Variants in SCN10A observed in about 807,000 individuals in gnomAD.
SCN10A encodes the protein sodium channel protein type 10 subunit alpha.
In SCN10A, 162 loss-of-function variants were observed where a neutral mutation model predicts 170.7. That is an observed-to-expected ratio of 0.95 (90% confidence interval 0.84 to 1.08). The LOEUF is 1.08. Among genes scored for constraint, SCN10A ranks in the 50% least tolerant of loss-of-function variants. The pLI is 0.00. For synonymous variants in SCN10A, 985 were observed against 904.6 expected (o/e 1.09, Z -1.59); for missense variants, 2,527 against 2,436.9 (o/e 1.04, Z -0.78).
chr3:38,814,776 A>G (rs9816320), intron 1 of SCN10A, among the ~76,000 whole-genome samples: 3,888 of 152,252 alleles, frequency 0.026, 144 homozygotes, highest in East Asian at 0.13. Context: ...TTTTAAGGCC[A>G]CTCTAAAACC....
intron 15 of SCN10A, among the ~76,000 whole-genome samples, chr3:38,736,607 T>TA (rs1422681534): frequency 1.3e-5 from 2 of 152,078 alleles, no homozygotes; most frequent in East Asian, 3.9e-4. Flanking sequence ...GGTGAGGTTT[T>TA]GGCAAACACA....
chr3:38,806,672 T>A (rs965830750), intron 1 of SCN10A, among the ~76,000 whole-genome samples: 1 of 152,164 alleles, frequency 6.6e-6, no homozygotes, highest in Non-Finnish European at 1.5e-5. Context: ...TTATGTAAGG[T>A]AAATTATAGA....
At position 38,697,198 on chromosome 3, in the gene SCN10A, T is replaced by C. The variant is rs1024196722; in HGVS notation, c.*151A>G. On this transcript the variant is annotated 3_prime_UTR_variant, in exon 28 of 28. Coordinates refer to ENST00000449082, the MANE Select transcript of SCN10A (RefSeq NM_006514.4). The stretch of plus-strand genomic sequence containing the variant: ...TGTATGATGGTTTTTTCAAAGGTGG[T>C]TACCAGTTGCATTCCCTGCCCAGTT... The C allele has an allele frequency of 7.2e-6, 9 of 1,253,134 alleles. No homozygotes were observed. In the Admixed American group the frequency reaches 1.3e-4, roughly 19 times the overall value. The allele number at this position is 1,253,134 out of a possible 1,614,324, so 77.6% of individuals were successfully genotyped here. A position where few individuals can be genotyped will look rare whatever the true frequency, so the allele number is the denominator to read the frequency against.
rs1477460829 is a variant in SCN10A, at chr3:38,755,900, A to G, written c.1349T>C (p.Leu450Ser). ...TCTCTCACTGGCATTTTTGGAGGTT[A>G]AAGGTGATCCATTGTGGGAGTGGAG... The part of the protein sequence containing the change: ...TSLHSHNGSP[L>S]TSKNASERRH... The change falls in exon 11 of 28, where the codon TTA becomes TCA. Residue 450 changes from leucine to serine, a missense_variant. Coordinates refer to ENST00000449082, the MANE Select transcript of SCN10A (RefSeq NM_006514.4). 1 of 1,614,206 alleles carries G rather than the reference A, an allele frequency of 6.2e-7. No homozygotes were observed. Among genetic ancestry groups the G allele is most frequent in the South Asian group, 1.1e-5 (1 of 91,084 alleles).
chr3:38,754,339 A>G (rs996600464), intron 11 of SCN10A, among the ~76,000 whole-genome samples: 1 of 152,222 alleles, frequency 6.6e-6, no homozygotes, highest in Non-Finnish European at 1.5e-5. Flanking sequence ...CTGTGTTTAT[A>G]TCTGCCTCCT....
rs2063281106 is a variant in SCN10A at position 38,712,169 on chromosome 3, G to C, written c.4081C>G (p.Leu1361Val). Reference sequence around the variant, plus strand: ...TCTCATGGTTGACTCACCACCTGCAGAAGTGCAAGGTAACCCATTGCAACA... The same window carrying C: ...TCTCATGGTTGACTCACCACCTGCACAAGTGCAAGGTAACCCATTGCAACA... ...DNVAMGYLAL[L>V]QVATFKGWMD... Residue 1361 changes from leucine (L) to valine (V), a missense_variant, in exon 23 of 28, where the codon CTG (leucine) becomes GTG (valine). Leu to Val is a conservative substitution (Grantham distance 32). Coordinates refer to ENST00000449082, the MANE Select transcript of SCN10A (RefSeq NM_006514.4). 1 of 1,613,624 alleles carries C rather than the reference G, an allele frequency of 6.2e-7. No homozygotes were observed. The highest frequency in any genetic ancestry group is 1.3e-5 in the African/African-American group (1 of 74,932).
chr3:38,810,313 C>A lies in SCN10A; in HGVS notation c.-33+5724G>T, dbSNP rs73826372. 3.7e-3 allele frequency among the ~76,000 whole-genome samples: 559 copies of A among 152,214 alleles called. 2 individuals carry two copies. The highest frequency in any genetic ancestry group is 0.013 in the African/African-American group (535 of 41,532). Reference sequence around the variant, plus strand: ...ACTGTGAACATTATGTAAATGCCAACCAGTATAACGCAGCCCTTCAGTTTA... The same window carrying A: ...ACTGTGAACATTATGTAAATGCCAAACAGTATAACGCAGCCCTTCAGTTTA... On this transcript the variant is annotated intron_variant, in intron 1 of 27. Coordinates refer to ENST00000449082, the MANE Select transcript of SCN10A (RefSeq NM_006514.4).
At chr3:38,747,455 G>A (rs1017104682) in intron 13 of SCN10A, among the ~76,000 whole-genome samples, 11 of 152,140 alleles carry the variant, frequency 7.2e-5, no homozygotes, top group South Asian at 2.1e-4. Flanking sequence ...CATGCCAGTC[G>A]TGGTTCTAAG....
chr3:38,772,750 C>T (rs1187618640), intron 4 of SCN10A, among the ~76,000 whole-genome samples: 1 of 149,850 alleles, frequency 6.7e-6, no homozygotes, highest in Non-Finnish European at 1.5e-5. Flanking sequence ...AAAAAAAAAA[C>T]CTGTACTAAT....
At position 38,703,576 on chromosome 3, in the gene SCN10A, T is replaced by G. The variant is rs564904479; in HGVS notation, c.4387-1467A>C. ...CCCATAATATTAGATCCAAGGACGCTTGTCTGATATTGCCTAGTACCCTTC... is the reference window on the plus strand; with the variant it reads ...CCCATAATATTAGATCCAAGGACGCGTGTCTGATATTGCCTAGTACCCTTC... On this transcript the variant is annotated intron_variant, in intron 26 of 27. Coordinates refer to ENST00000449082, the MANE Select transcript of SCN10A (RefSeq NM_006514.4). Among the ~76,000 whole-genome samples, 17 of 152,326 alleles carry G rather than the reference T, an allele frequency of 1.1e-4. No homozygotes were observed. The South Asian group carries it at 3.5e-3, about 32-fold the overall frequency.
intron 13 of SCN10A, among the ~76,000 whole-genome samples, chr3:38,748,269 A>G (rs2063713055): frequency 6.6e-6 from 1 of 152,236 alleles, no homozygotes; most frequent in Non-Finnish European, 1.5e-5. Flanking sequence ...TGTTAGAAGT[A>G]CAGACTCTAT....
chr3:38,767,717 T>C (rs940190619), intron 5 of SCN10A, among the ~76,000 whole-genome samples: 1 of 152,110 alleles, frequency 6.6e-6, no homozygotes, highest in South Asian at 2.1e-4. Flanking sequence ...TATTCTGCAG[T>C]TGTTTGGTAG....
At chr3:38,730,872 G>A (rs1454889588) in intron 15 of SCN10A, among the ~76,000 whole-genome samples, 1 of 152,094 alleles carries the variant, frequency 6.6e-6, no homozygotes, top group Non-Finnish European at 1.5e-5. Context: ...GAGACATAGA[G>A]GATAGAATGA....
chr3:38,716,632 T>A (rs560762028), intron 21 of SCN10A, among the ~76,000 whole-genome samples: 117 of 152,270 alleles, frequency 7.7e-4, no homozygotes, highest in Non-Finnish European at 8.8e-4. Flanking sequence ...ATATATTTTT[T>A]AAAATTTTAA....
Position 38,697,103 on chromosome 3 carries a change from C to A in SCN10A, c.*246G>T, listed in dbSNP as rs1575913465. ...GATATTTTCTGGAGAGTAAGAGAAC[C>A]CATGATCTGATATTGAAATTCAGAA... is the stretch of plus-strand genomic sequence containing the variant. On this transcript the variant is annotated 3_prime_UTR_variant, in exon 28 of 28. Coordinates refer to ENST00000449082, the MANE Select transcript of SCN10A (RefSeq NM_006514.4). 3 of 545,372 alleles carry A rather than the reference C, an allele frequency of 5.5e-6. No individual in the cohort carries two copies. The highest frequency in any genetic ancestry group is 9.7e-6 in the Non-Finnish European group (3 of 309,932). 33.8% of individuals were successfully genotyped at this position (545,372 alleles called of 1,614,324 possible).
chr3:38,763,507 G>A lies in SCN10A; in HGVS notation c.689C>T (p.Pro230Leu). The A allele has an allele frequency of 6.2e-7, 1 of 1,611,596 alleles. No homozygotes were observed. The highest frequency in any genetic ancestry group is 8.5e-7 in the Non-Finnish European group (1 of 1,177,690). ...LRALKTVSVIPGLKVIVGALI... is the reference protein window; with the variant it reads ...LRALKTVSVILGLKVIVGALI... ...ATGCTCTGTGAATAAATGCTCACCT[G>A]GGATCACAGAAACTGTTTTTAATGC... The change falls in exon 6 of 28, where the codon CCA (proline) becomes CTA (leucine). Residue 230 changes from proline (P) to leucine (L), a missense_variant and splice_region_variant. By Grantham distance (98) the Pro-to-Leu change is moderately conservative (BLOSUM62 -3). Transcript: ENST00000449082.
chr3:38,804,231 A>G lies in SCN10A; in HGVS notation c.-32-10189T>C, dbSNP rs75946548. On this transcript the variant is annotated intron_variant, in intron 1 of 27. Transcript: ENST00000449082. Reference sequence around the variant, plus strand: ...AGCACAATATTGCCTCTGTTTTTCAACTTGTTCTTTTCTCTGCTCATATTC... The same window carrying G: ...AGCACAATATTGCCTCTGTTTTTCAGCTTGTTCTTTTCTCTGCTCATATTC... 5.0e-3 allele frequency among the ~76,000 whole-genome samples: 767 copies of G among 152,138 alleles called. 6 individuals are homozygous for G. The highest frequency in any genetic ancestry group is 0.017 in the African/African-American group (686 of 41,506).
At chr3:38,793,623 A>G in intron 2 of SCN10A, 118 bp downstream of exon 2, 2 of 951,718 alleles carry the variant, frequency 2.1e-6, no homozygotes, top group Non-Finnish European at 3.2e-6. Flanking sequence ...TTGGTTGTTA[A>G]CGGAATCTTT....
chr3:38,753,375 T>A (rs917305793), intron 11 of SCN10A, among the ~76,000 whole-genome samples: 4 of 152,202 alleles, frequency 2.6e-5, no homozygotes, highest in Non-Finnish European at 4.4e-5. Flanking sequence ...AAACATTGAC[T>A]TCATACCAAA....
Sources: gnomAD v4.1 joint callset for allele counts (sites outside exome capture counted in the v4.1 genomes callset) on GRCh38, gnomAD v4.1.1 for gene constraint, MANE v1.5 for transcripts, NCBI Gene and HGNC (gene_info 2026-07-23, HGNC 2026-07-21) for gene names.